Variants in DMD observed in about 807,000 individuals in gnomAD.
DMD encodes the protein dystrophin.
A neutral mutation model predicts 330.1 loss-of-function variants in DMD; 63 were observed. The ratio of observed to expected loss-of-function variants is 0.19; its 90% CI spans 0.16 to 0.24. The LOEUF (loss-of-function observed/expected upper bound fraction) is 0.24. Ranked by LOEUF, DMD falls within the 10% of genes least tolerant of loss-of-function variation. The probability of loss-of-function intolerance (pLI) is 1.00; values close to 1 mark genes in which losing one functional copy is unlikely to be tolerated. For missense variants in DMD, 3,344 were observed against 2,684.1 expected, an observed-to-expected ratio of 1.25 and a Z score of -5.43; for synonymous variants, 1,223 against 959.8, an observed-to-expected ratio of 1.27 and a Z score of -5.07.
rs766491862 is a variant in DMD, at chrX:32,503,803, C to T, written c.2293-1961G>A. Reference sequence around the variant, plus strand: ...ACTCCTGACCTCATCATCCGCCCAGCTCAGTGCTGGGGTGGGGCGGGGGGA... The same window carrying T: ...ACTCCTGACCTCATCATCCGCCCAGTTCAGTGCTGGGGTGGGGCGGGGGGA... On this transcript the variant is annotated intron_variant, in intron 18 of 78. Coordinates refer to ENST00000357033, the MANE Select transcript of DMD (RefSeq NM_004006.3). Among the ~76,000 whole-genome samples the T allele has an allele frequency of 3.6e-4, 40 of 111,708 alleles. No homozygotes were observed. The East Asian group carries it at 7.9e-3, about 22-fold the overall frequency.
intron 41 of DMD, among the ~76,000 whole-genome samples, chrX:32,314,211 G>A (rs969436842): frequency 1.8e-5 from 2 of 111,298 alleles, no homozygotes; most frequent in East Asian, 2.8e-4. Flanking sequence ...ATAGACCAAC[G>A]GAACAGAACA....
chrX:31,606,816 G>A (rs2077632983), intron 55 of DMD, among the ~76,000 whole-genome samples: 1 of 111,728 alleles, frequency 9.0e-6, no homozygotes, highest in Non-Finnish European at 1.9e-5. Flanking sequence ...ATTTTAAATT[G>A]CAGTCTTACA....
chrX:31,521,925 C>T (rs1255961259), intron 55 of DMD, among the ~76,000 whole-genome samples: 6 of 111,379 alleles, frequency 5.4e-5, no homozygotes, highest in Non-Finnish European at 1.1e-4. Flanking sequence ...GGGGGTCACT[C>T]TAAACTTTTA....
chrX:33,196,499 A>G (rs763808348), intron 1 of DMD, among the ~76,000 whole-genome samples: 4 of 111,961 alleles, frequency 3.6e-5, no homozygotes, highest in African/African-American at 1.3e-4. Flanking sequence ...ATTGAAAGCA[A>G]GGAGATCATT....
At chrX:32,712,080 A>G (rs1159310025) in intron 7 of DMD, among the ~76,000 whole-genome samples, 4 of 112,125 alleles carry the variant, frequency 3.6e-5, no homozygotes, top group Middle Eastern at 8.4e-3. Context: ...GTATATACAC[A>G]TGTATATATA....
intron 55 of DMD, among the ~76,000 whole-genome samples, chrX:31,625,341 A>T (rs773050466): frequency 8.9e-6 from 1 of 111,864 alleles, no homozygotes; most frequent in South Asian, 3.7e-4. Flanking sequence ...GTAGTTTATC[A>T]CTTTGGGGTT....
At chrX:32,777,708 CT>C in intron 7 of DMD, among the ~76,000 whole-genome samples, 1 of 112,325 alleles carries the variant, frequency 8.9e-6, no homozygotes, top group Non-Finnish European at 1.9e-5. Context: ...CAAAGACATT[CT>C]TCTGCAAGGA....
chrX:32,113,952 C>A (rs1370179026), intron 44 of DMD, among the ~76,000 whole-genome samples: 1 of 78,123 alleles, frequency 1.3e-5, no homozygotes, highest in Non-Finnish European at 2.5e-5. Context: ...CTAATATTTT[C>A]TTGTTTTTTT....
intron 1 of DMD, among the ~76,000 whole-genome samples, chrX:33,313,081 G>T (rs143899056): frequency 0.016 from 1,831 of 111,579 alleles, 17 homozygotes; most frequent in Non-Finnish European, 0.024. Context: ...TGTGTGGTGG[G>T]TGACTTAAAT....
chrX:31,916,582 T>A (rs1316911268), intron 47 of DMD, among the ~76,000 whole-genome samples: 1 of 111,962 alleles, frequency 8.9e-6, no homozygotes, highest in Admixed American at 9.5e-5. Context: ...GAAGACCTAA[T>A]AATAGCTAGT....
intron 76 of DMD, among the ~76,000 whole-genome samples, 180 bp from the exon 77 acceptor site, chrX:31,134,374 A>C (rs367831297): frequency 7.3e-5 from 8 of 110,054 alleles, no homozygotes; most frequent in South Asian, 4.0e-4. Context: ...AAATCCATAC[A>C]GTAGTTTATC....
At chrX:32,612,961 G>A (rs188566181) in intron 12 of DMD, among the ~76,000 whole-genome samples, 1 of 111,096 alleles carries the variant, frequency 9.0e-6, no homozygotes, top group African/African-American at 3.3e-5. Flanking sequence ...TCATTTGCAT[G>A]GAAGAACTGT....
At chrX:31,316,493 G>T (rs1478910555) in intron 62 of DMD, among the ~76,000 whole-genome samples, 1 of 111,577 alleles carries the variant, frequency 9.0e-6, no homozygotes, top group Non-Finnish European at 1.9e-5. Flanking sequence ...AAAAGGATGT[G>T]AGGGTTTTTT....
intron 7 of DMD, among the ~76,000 whole-genome samples, chrX:32,711,877 T>C (rs779873746): frequency 8.0e-5 from 9 of 111,957 alleles, no homozygotes; most frequent in Non-Finnish European, 1.1e-4. Flanking sequence ...TGTGCTCAAT[T>C]AGTAAAGATT....
intron 23 of DMD, among the ~76,000 whole-genome samples, chrX:32,467,586 CATTAG>C (rs1391297444): frequency 2.8e-5 from 3 of 107,855 alleles, no homozygotes; most frequent in Non-Finnish European, 3.8e-5. Flanking sequence ...ATATATATTA[CATTAG>C]ATATGTATAT....
intron 55 of DMD, among the ~76,000 whole-genome samples, chrX:31,610,444 CT>C (rs1176845988): frequency 4.5e-5 from 5 of 111,625 alleles, no homozygotes; most frequent in Non-Finnish European, 9.4e-5. Flanking sequence ...GGTAATAACT[CT>C]CTGACTACTC....
intron 7 of DMD, among the ~76,000 whole-genome samples, chrX:32,768,391 C>G (rs926796448): frequency 3.6e-5 from 4 of 111,519 alleles, no homozygotes; most frequent in African/African-American, 1.3e-4. Flanking sequence ...ACAATCTTTG[C>G]CCACTCGTGG....
At chrX:31,567,815 C>T (rs1157999363) in intron 55 of DMD, among the ~76,000 whole-genome samples, 2 of 110,916 alleles carry the variant, frequency 1.8e-5, no homozygotes, top group East Asian at 2.8e-4. Flanking sequence ...GAGCCAGTTC[C>T]CACAGAGTAA....
chrX:32,458,103 T>C lies in DMD; in HGVS notation c.3433-3271A>G, dbSNP rs2098368198. On this transcript the variant is annotated intron_variant, in intron 25 of 78. Transcript: ENST00000357033. The stretch of plus-strand genomic sequence containing the variant: ...ATTAATATCATCACATTTTAAAGAT[T>C]GGGAGACTCAAGCACAAAAAGGTTA... Among the ~76,000 whole-genome samples, 3 of 110,577 alleles carry C rather than the reference T, an allele frequency of 2.7e-5. No individual in the cohort carries two copies. The Admixed American group carries it at 2.9e-4, about 11-fold the overall frequency.
Sources: allele counts gnomAD v4.1 joint callset (sites outside exome capture counted in the v4.1 genomes callset), GRCh38; gene constraint gnomAD v4.1.1; transcripts MANE v1.5; gene names NCBI Gene and HGNC (gene_info 2026-07-23, HGNC 2026-07-21).